MAL2: variants seen among roughly 807,000 people sequenced by gnomAD.
MAL2 encodes protein MAL2.
MAL2 carries 17 observed loss-of-function variants against 18.1 expected under a neutral mutation model. That is an observed-to-expected ratio of 0.94 (90% CI 0.64 to 1.41). The LOEUF (loss-of-function observed/expected upper bound fraction) is 1.41, where lower values mean the gene tolerates loss of function less well. MAL2 is among the 40% of genes most tolerant of loss of function. The pLI, the probability that MAL2 is intolerant of heterozygous loss-of-function variation, is 0.00. For missense variants in MAL2, 222 were observed against 231.9 expected (o/e 0.96, Z 0.28); for synonymous variants, 102 against 102.3 (o/e 1.00, Z 0.02).
Position 119,243,471 on chromosome 8 carries a change from C to A in MAL2, c.514C>A (p.Arg172=). The change falls in exon 4 of 4, where the codon CGA becomes AGA. Residue 172 remains arginine, a synonymous_variant. Transcript: ENST00000614891. ...TGGTTGCAGTTTGGGTCTGGCTTTA[C>A]GAAGATGGCGACCGTAACACTCCTT... The part of the protein sequence containing the change: ...CYGCSLGLAL[R]RWRP 6.3e-7 allele frequency: 1 copy of A among 1,599,600 alleles called. No homozygotes were observed. Among genetic ancestry groups the A allele is most frequent in the Non-Finnish European group, 8.5e-7 (1 of 1,172,190 alleles).
intron 2 of MAL2, among the ~76,000 whole-genome samples, chr8:119,234,673 T>A (rs1817834988): frequency 1.3e-5 from 2 of 151,776 alleles, no homozygotes; most frequent in African/African-American, 4.9e-5. Context: ...ACAGCCTAAC[T>A]GGGAGGCACC....
intron 2 of MAL2, among the ~76,000 whole-genome samples, chr8:119,232,093 G>GTTTTATATTTT (rs1563774841): frequency 6.8e-6 from 1 of 147,974 alleles, no homozygotes; most frequent in East Asian, 1.9e-4. Context: ...ATTTTGGGAG[G>GTTTTATATTTT]TTTTATATAT....
intron 2 of MAL2, among the ~76,000 whole-genome samples, chr8:119,225,980 G>A (rs1194964122): frequency 1.3e-5 from 2 of 151,814 alleles, no homozygotes; most frequent in African/African-American, 2.4e-5. Flanking sequence ...TTTTTCTTGT[G>A]AATTTGTTTG....
chr8:119,223,820 A>C (rs1216014819), intron 2 of MAL2: 1 of 151,456 alleles, frequency 6.6e-6, no homozygotes. Flanking sequence ...TATTATTATT[A>C]TTCAGTCATT....
chr8:119,234,376 TG>T (rs1271235309), intron 2 of MAL2, among the ~76,000 whole-genome samples: 3 of 152,050 alleles, frequency 2.0e-5, no homozygotes, highest in Middle Eastern at 3.4e-3. Context: ...GCAACAAGGC[TG>T]GGGGAGGGGC....
Position 119,245,149 on chromosome 8 carries a change from G to A in MAL2, c.*1661G>A, listed in dbSNP as rs1206583408. On this transcript the variant is annotated 3_prime_UTR_variant, in exon 4 of 4. Transcript: ENST00000614891. ...AAAAACAAAAGGTTTGAGGAAATCA[G>A]GCATATGACTTTATACTTAACATCA... 1 of 152,642 alleles carries A rather than the reference G, an allele frequency of 6.6e-6. No homozygotes were observed. The highest frequency in any genetic ancestry group is 2.1e-4 in the South Asian group (1 of 4,824). The allele number at this position is 152,642 out of a possible 1,614,324, so 9.5% of individuals were successfully genotyped here.
At chr8:119,234,699 A>G (rs1457749808) in intron 2 of MAL2, among the ~76,000 whole-genome samples, 1 of 151,770 alleles carries the variant, frequency 6.6e-6, no homozygotes, top group Non-Finnish European at 1.5e-5. Context: ...GCAGGGGCAC[A>G]CTCACAATTC....
At chr8:119,232,175 G>A (rs376336485) in intron 2 of MAL2, among the ~76,000 whole-genome samples, 2 of 152,052 alleles carry the variant, frequency 1.3e-5, no homozygotes, top group South Asian at 2.1e-4. Context: ...ATTCCACAAT[G>A]TATAAATATT....
Position 119,218,361 on chromosome 8 carries a change from CG to C in MAL2, c.133-3225del, listed in dbSNP as rs1817394453. Among the ~76,000 whole-genome samples the C allele has an allele frequency of 2.0e-5, 3 of 152,066 alleles. No homozygotes were observed. In the South Asian group the frequency reaches 6.2e-4, roughly 32 times the overall value. On this transcript the variant is annotated intron_variant, in intron 1 of 3. Transcript: ENST00000614891. ...GTTTGAAGGGCTGTAATTTTGAGTA[CG>C]ATAAGAACGGTTAGTCTATACTATT...
chr8:119,231,033 T>A lies in MAL2; in HGVS notation c.304-9132T>A, dbSNP rs542171619. On this transcript the variant is annotated intron_variant, in intron 2 of 3. Transcript: ENST00000614891. Reference sequence around the variant, plus strand: ...TAGATGTGAGAACAGTTTTTTTTTTTATTTTTTGTTTGTTTTGAGGCAGAG... The same window carrying A: ...TAGATGTGAGAACAGTTTTTTTTTTAATTTTTTGTTTGTTTTGAGGCAGAG... Among the ~76,000 whole-genome samples the A allele has an allele frequency of 1.8e-3, 280 of 152,172 alleles. 2 individuals are homozygous for A. The highest frequency in any genetic ancestry group is 8.7e-3 in the South Asian group (42 of 4,812).
chr8:119,221,637 A>G lies in MAL2; in HGVS notation c.183A>G (p.Leu61=). ...TGGTTGCCTCCTCCAATGTTCCTCT[A>G]CCTCTACTACAAGGATGGGTCATGT... The part of the protein sequence containing the change: ...WILVASSNVP[L]PLLQGWVMFV... Residue 61 remains leucine (L), a synonymous_variant, in exon 2 of 4, where the codon CTA becomes CTG. Transcript: ENST00000614891. 6.2e-7 allele frequency: 1 copy of G among 1,613,498 alleles called. No homozygotes were observed. Among genetic ancestry groups the G allele is most frequent in the Non-Finnish European group, 8.5e-7 (1 of 1,179,754 alleles).
intron 2 of MAL2, among the ~76,000 whole-genome samples, chr8:119,231,831 C>T (rs147106284): frequency 1.9e-3 from 291 of 151,568 alleles, no homozygotes; most frequent in African/African-American, 6.7e-3. Context: ...AGACCAATAC[C>T]GCATGATCTC....
intron 2 of MAL2, among the ~76,000 whole-genome samples, chr8:119,225,057 G>GT (rs1817556104): frequency 6.6e-6 from 1 of 151,606 alleles, no homozygotes; most frequent in African/African-American, 2.4e-5. Flanking sequence ...AGACGATGCA[G>GT]CTTTTTTTTT....
chr8:119,220,729 A>G (rs553084051), intron 1 of MAL2, among the ~76,000 whole-genome samples: 1 of 152,084 alleles, frequency 6.6e-6, no homozygotes, highest in African/African-American at 2.4e-5. Context: ...CCTCTGCTTT[A>G]CCCCATAGCC....
chr8:119,234,672 C>G (rs922052438), intron 2 of MAL2, among the ~76,000 whole-genome samples: 1 of 151,842 alleles, frequency 6.6e-6, no homozygotes, highest in African/African-American at 2.4e-5. Context: ...AACAGCCTAA[C>G]TGGGAGGCAC....
chr8:119,237,535 G>A (rs200591318), intron 2 of MAL2, among the ~76,000 whole-genome samples: 10 of 150,284 alleles, frequency 6.7e-5, no homozygotes, highest in South Asian at 2.1e-4. Context: ...TGCAAAAATC[G>A]TCAATAAAAT....
intron 2 of MAL2, among the ~76,000 whole-genome samples, chr8:119,230,630 G>A (rs1682567401): frequency 6.6e-6 from 1 of 152,130 alleles, no homozygotes. Context: ...CACACGAAGA[G>A]TTGCAGGTCC....
chr8:119,229,052 G>A (rs1027020967), intron 2 of MAL2, among the ~76,000 whole-genome samples: 6 of 152,184 alleles, frequency 3.9e-5, no homozygotes, highest in Middle Eastern at 3.4e-3. Flanking sequence ...CTGTTTATGT[G>A]CCCATAATGC....
chr8:119,240,001 T>A (rs1262895199), intron 2 of MAL2, among the ~76,000 whole-genome samples, 164 bp from the exon 3 acceptor site: 3 of 152,254 alleles, frequency 2.0e-5, no homozygotes, highest in Non-Finnish European at 4.4e-5. Context: ...TCGCTTGGGT[T>A]CTGATAGTCT....
Sources: allele counts gnomAD v4.1 joint callset (sites outside exome capture counted in the v4.1 genomes callset), GRCh38; gene constraint gnomAD v4.1.1; transcripts MANE v1.5; gene names NCBI Gene and HGNC (gene_info 2026-07-23, HGNC 2026-07-21).